SLC9A3: variants seen among roughly 807,000 people sequenced by gnomAD.
SLC9A3 encodes sodium/hydrogen exchanger 3.
In SLC9A3, 37 loss-of-function variants were observed where a neutral mutation model predicts 86.8. The ratio of observed to expected loss-of-function variants is 0.43; its 90% CI spans 0.33 to 0.56. SLC9A3 has a LOEUF of 0.56. SLC9A3 is among the 20% of genes least tolerant of loss of function. The pLI is 0.06. For synonymous variants in SLC9A3, 581 were observed against 528.3 expected (o/e 1.10, Z -1.37); for missense variants, 1,011 against 1,171.9 (o/e 0.86, Z 2.00).
In SLC9A3 at chr5:491,689, G is replaced by A. The variant is rs955285301; in HGVS notation, c.514+80C>T. Reference sequence around the variant, plus strand: ...CCTGGAGGCCAGGGTGCGGCACCCCGACCTTTCTGAGATGAGGCAGCGCCG... The same window carrying A: ...CCTGGAGGCCAGGGTGCGGCACCCCAACCTTTCTGAGATGAGGCAGCGCCG... On this transcript the variant is annotated intron_variant, in intron 2 of 16. Transcript: ENST00000264938. The surrounding 1 kb of genome is among the most constrained non-coding windows in gnomAD (Gnocchi z 9.2). 1.3e-4 allele frequency: 179 copies of A among 1,329,142 alleles called. No individual in the cohort carries two copies. The highest frequency in any genetic ancestry group is 1.7e-4 in the Non-Finnish European group (169 of 986,930). The allele number at this position is 1,329,142 out of a possible 1,614,324, so 82.3% of individuals were successfully genotyped here. A position where few individuals can be genotyped will look rare whatever the true frequency, so the allele number is the denominator to read the frequency against.
chr5:491,717 C>A lies in SLC9A3; in HGVS notation c.514+52G>T. The A allele has an allele frequency of 6.9e-7, 1 of 1,443,442 alleles. No individual in the cohort carries two copies. The allele number at this position is 1,443,442 out of a possible 1,614,324, so 89.4% of individuals were successfully genotyped here. A position where few individuals can be genotyped will look rare whatever the true frequency, so the allele number is the denominator to read the frequency against. ...CTTTCTGAGATGAGGCAGCGCCGCC[C>A]CTCCCGGACCCCACCCTGATCCCGG... On this transcript the variant is annotated intron_variant, in intron 2 of 16. Coordinates refer to ENST00000264938, the MANE Select transcript of SLC9A3 (RefSeq NM_004174.4). This position sits in a 1 kb window ranked among gnomAD's most constrained non-coding sequence, Gnocchi z 9.2.
At chr5:482,857 A>T in intron 6 of SLC9A3, 107 bp from the exon 7 acceptor site, 1 of 851,676 alleles carries the variant, frequency 1.2e-6, no homozygotes, top group Non-Finnish European at 1.8e-6. Flanking sequence ...CTGACGAAGA[A>T]CAGCGGCACC....
intron 5 of SLC9A3, 53 bp from the exon 6 acceptor site, chr5:483,535 C>G (rs1253493281): frequency 1.5e-6 from 2 of 1,306,406 alleles, no homozygotes; most frequent in Non-Finnish European, 2.2e-6. Flanking sequence ...GCGCCCGAGG[C>G]CCCCGTGTCC....
Position 488,363 on chromosome 5 carries a change from A to G in SLC9A3, c.628T>C (p.Phe210Leu). The G allele has an allele frequency of 6.2e-7, 1 of 1,612,676 alleles. No homozygotes were observed. Among genetic ancestry groups the G allele is most frequent in the South Asian group, 1.1e-5 (1 of 91,082 alleles). The change falls in exon 3 of 17, where the codon TTC becomes CTC. Residue 210 changes from phenylalanine to leucine, a missense_variant. By Grantham distance (22) the Phe-to-Leu change is conservative. Coordinates refer to ENST00000264938, the MANE Select transcript of SLC9A3 (RefSeq NM_004174.4). ...AGCGACTCCCCGAAGACGATGATGAACAGGACCTCGTTGACATGGACCTCC... is the reference window on the plus strand; with the variant it reads ...AGCGACTCCCCGAAGACGATGATGAGCAGGACCTCGTTGACATGGACCTCC... ...FEEVHVNEVL[F>L]IIVFGESLLN...
rs1738404602 is a variant in SLC9A3 at position 472,332 on chromosome 5, C to T, written c.*1047G>A. ...GCAGGTTCTCCTTGGAGGGCCTGAG[C>T]CTGGTAGGGGGGCGGTGCCCTGGGC... On this transcript the variant is annotated 3_prime_UTR_variant, in exon 17 of 17. Transcript: ENST00000264938. 2 of 336,480 alleles carry T rather than the reference C, an allele frequency of 5.9e-6. No homozygotes were observed. Among genetic ancestry groups the T allele is most frequent in the South Asian group, 2.3e-5 (1 of 43,446 alleles). 20.8% of individuals were successfully genotyped at this position (336,480 alleles called of 1,614,324 possible). A position where few individuals can be genotyped will look rare whatever the true frequency, so the allele number is the denominator to read the frequency against.
intron 3 of SLC9A3, among the ~76,000 whole-genome samples, chr5:487,030 ACACTGACACCCACCG>A (rs1350581014): frequency 1.5e-4 from 1 of 6,766 alleles, no homozygotes; most frequent in African/African-American, 2.8e-4. Context: ...GACACCCACC[ACACTGACACCCACCG>A]CACTGACACC....
chr5:501,923 G>A (rs1196701110), intron 1 of SLC9A3, among the ~76,000 whole-genome samples: 1 of 152,232 alleles, frequency 6.6e-6, no homozygotes, highest in Non-Finnish European at 1.5e-5. Context: ...GGGCCACGCA[G>A]GAAGCCCCTC....
At chr5:521,121 G>A (rs1733872847) in intron 1 of SLC9A3, among the ~76,000 whole-genome samples, 1 of 152,260 alleles carries the variant, frequency 6.6e-6, no homozygotes, top group African/African-American at 2.4e-5. Context: ...GCTGTGGAGT[G>A]GCTCCGTGGC....
intron 11 of SLC9A3, 144 bp downstream of exon 11, chr5:477,188 A>G (rs890980): frequency 0.43 from 259,381 of 601,932 alleles, 58,089 homozygotes; most frequent in African/African-American, 0.64. Context: ...GGGCTTGTGG[A>G]AGGAGACACC....
Position 472,530 on chromosome 5 carries a change from C to T in SLC9A3, c.*849G>A, listed in dbSNP as rs970149444. ...GTGCGACAGCTCAGGCCGGAGACCT[C>T]GTCTGTGGGGACGGGCCGTGTCCGG... On this transcript the variant is annotated 3_prime_UTR_variant, in exon 17 of 17. Transcript: ENST00000264938. 2 of 343,108 alleles carry T rather than the reference C, an allele frequency of 5.8e-6. No homozygotes were observed. Among genetic ancestry groups the T allele is most frequent in the African/African-American group, 2.3e-5 (1 of 44,378 alleles). 21.3% of individuals were successfully genotyped at this position (343,108 alleles called of 1,614,324 possible).
At chr5:495,037 C>T (rs1364231733) in intron 1 of SLC9A3, among the ~76,000 whole-genome samples, 1 of 152,132 alleles carries the variant, frequency 6.6e-6, no homozygotes, top group Non-Finnish European at 1.5e-5. Flanking sequence ...TGCCCGCCGG[C>T]ACGTGGGCTG....
In SLC9A3 at chr5:477,424, C is replaced by G; in HGVS notation, c.1668G>C (p.Leu556=). The change falls in exon 11 of 17, where the codon CTG becomes CTC. Residue 556 remains leucine, a synonymous_variant. Coordinates refer to ENST00000264938, the MANE Select transcript of SLC9A3 (RefSeq NM_004174.4). ...CGGTGCTGGGGGAGCGGATGAAGGC[C>G]AGGGACCCGCGGCGCTCTCCCTGTG... ...YVAEGERRGS[L]AFIRSPSTDN... 6.2e-7 allele frequency: 1 copy of G among 1,612,648 alleles called. No homozygotes were observed. Among genetic ancestry groups the G allele is most frequent in the African/African-American group, 1.3e-5 (1 of 75,028 alleles).
chr5:521,980 A>G (rs1470948319), intron 1 of SLC9A3, among the ~76,000 whole-genome samples: 1 of 152,160 alleles, frequency 6.6e-6, no homozygotes, highest in Non-Finnish European at 1.5e-5. Context: ...CCCAGAGCAG[A>G]CCTCAGCTGT....
chr5:496,189 T>C lies in SLC9A3; in HGVS notation c.212-4118A>G, dbSNP rs1387154620. Among the ~76,000 whole-genome samples, 1 of 152,200 alleles carries C rather than the reference T, an allele frequency of 6.6e-6. No individual in the cohort carries two copies. The highest frequency in any genetic ancestry group is 1.5e-5 in the Non-Finnish European group (1 of 68,032). On this transcript the variant is annotated intron_variant, in intron 1 of 16. Transcript: ENST00000264938. The surrounding 1 kb of genome is among the most constrained non-coding windows in gnomAD (Gnocchi z 4.7). The stretch of plus-strand genomic sequence containing the variant: ...GTTTGGAACATTCTGCCATCCGGGG[T>C]TGGAAAGGGTGTTGGACACGCCTTT...
chr5:479,808 G>A (rs778245117), intron 10 of SLC9A3, 28 bp downstream of exon 10: 50 of 1,610,776 alleles, frequency 3.1e-5, no homozygotes, highest in Middle Eastern at 1.7e-4. Flanking sequence ...CTGCAGCCCC[G>A]ACCCGGCAGA....
At chr5:492,596 GGA>G (rs1282963526) in intron 1 of SLC9A3, among the ~76,000 whole-genome samples, 2 of 152,098 alleles carry the variant, frequency 1.3e-5, no homozygotes, top group African/African-American at 4.8e-5. Context: ...CCCCCAGAAG[GGA>G]GTCAGTTGGA....
In SLC9A3 at chr5:482,800, C is replaced by A. The variant is rs372609963; in HGVS notation, c.1154-50G>T. The stretch of plus-strand genomic sequence containing the variant: ...AGCTCCCCGGCCGCCCTCCCAGCCG[C>A]GGGACCCCAGCCCCTCCGGGACAGC... On this transcript the variant is annotated intron_variant, in intron 6 of 16. Coordinates refer to ENST00000264938, the MANE Select transcript of SLC9A3 (RefSeq NM_004174.4). 97 of 1,461,432 alleles carry A rather than the reference C, an allele frequency of 6.6e-5. No individual in the cohort carries two copies. The African/African-American group carries it at 1.1e-3, about 17-fold the overall frequency. The allele number at this position is 1,461,432 out of a possible 1,614,324, so 90.5% of individuals were successfully genotyped here. A position where few individuals can be genotyped will look rare whatever the true frequency, so the allele number is the denominator to read the frequency against.
intron 5 of SLC9A3, 119 bp from the exon 6 acceptor site, chr5:483,601 C>T (rs953861872): frequency 5.0e-5 from 37 of 742,376 alleles, no homozygotes; most frequent in East Asian, 2.4e-4. Context: ...TGTGTGGTTA[C>T]GGGGGCCTCT....
At chr5:473,538 A>G in intron 16 of SLC9A3, 156 bp from the exon 17 acceptor site, 1 of 538,460 alleles carries the variant, frequency 1.9e-6, no homozygotes, top group Non-Finnish European at 2.8e-6. Context: ...TCCTCCCAGG[A>G]CCCGGGTTCG....
Sources: gnomAD v4.1 joint callset for allele counts (sites outside exome capture counted in the v4.1 genomes callset) on GRCh38, gnomAD v4.1.1 for gene constraint, Gnocchi (gnomAD v3.1) non-coding constraint, MANE v1.5 for transcripts, NCBI Gene and HGNC (gene_info 2026-07-23, HGNC 2026-07-21) for gene names.